Variants in SLC37A2 observed in about 807,000 individuals in gnomAD.
SLC37A2 encodes solute carrier family 37 member 2, also known as glucose-6-phosphate exchanger SLC37A2.
A neutral mutation model predicts 70.7 loss-of-function variants in SLC37A2; 59 were observed. That is an observed-to-expected ratio of 0.83 (90% CI 0.68 to 1.04). The LOEUF is 1.04. Ranked by LOEUF, SLC37A2 falls within the 50% of genes least tolerant of loss-of-function variation. The pLI, the probability that SLC37A2 is intolerant of heterozygous loss-of-function variation, is 0.00. For synonymous variants in SLC37A2, 257 were observed against 262.1 expected (o/e 0.98, Z 0.19); for missense variants, 580 against 658.1 (o/e 0.88, Z 1.30).
intron 1 of SLC37A2, among the ~76,000 whole-genome samples, chr11:125,069,957 T>C (rs912210230): frequency 2.6e-5 from 4 of 152,186 alleles, no homozygotes; most frequent in African/African-American, 9.7e-5. Flanking sequence ...TTTGTACCAG[T>C]GTCTGTGTGG....
chr11:125,065,672 T>C (rs1449672517), intron 1 of SLC37A2, among the ~76,000 whole-genome samples: 1 of 152,162 alleles, frequency 6.6e-6, no homozygotes, highest in Non-Finnish European at 1.5e-5. Context: ...TGGTTGTATC[T>C]GATTAAATAG....
chr11:125,065,321 A>G (rs953130417), intron 1 of SLC37A2, among the ~76,000 whole-genome samples: 1 of 152,218 alleles, frequency 6.6e-6, no homozygotes, highest in Admixed American at 6.5e-5. Flanking sequence ...TGTGGCTGCA[A>G]GTGTGTTAGT....
At chr11:125,074,167 C>A (rs1044300267) in intron 1 of SLC37A2, among the ~76,000 whole-genome samples, 2 of 152,050 alleles carry the variant, frequency 1.3e-5, no homozygotes, top group African/African-American at 4.8e-5. Context: ...CCCTGGCAGT[C>A]CTCCCTGCCC....
chr11:125,084,809 C>A lies in SLC37A2; in HGVS notation c.1126-16C>A, dbSNP rs776892337. ...GGGATTCCGGGTGACTCTGCCTCTCCCCTCTCCTCTCTCAGATGTTCCTGT... is the reference window on the plus strand; with the variant it reads ...GGGATTCCGGGTGACTCTGCCTCTCACCTCTCCTCTCTCAGATGTTCCTGT... On this transcript the variant is annotated splice_polypyrimidine_tract_variant and intron_variant, in intron 12 of 17. Transcript: ENST00000403796. The A allele has an allele frequency of 6.2e-7, 1 of 1,613,010 alleles. No individual in the cohort carries two copies. Among genetic ancestry groups the A allele is most frequent in the South Asian group, 1.1e-5 (1 of 90,674 alleles).
At chr11:125,084,176 G>A in intron 11 of SLC37A2, 58 bp from the exon 12 acceptor site, 3 of 1,588,220 alleles carry the variant, frequency 1.9e-6, no homozygotes, top group South Asian at 1.1e-5. Flanking sequence ...GGGGTGCCAG[G>A]CGAGGGGATG....
chr11:125,074,976 T>G (rs934569804), intron 1 of SLC37A2, among the ~76,000 whole-genome samples: 1 of 152,154 alleles, frequency 6.6e-6, no homozygotes, highest in East Asian at 1.9e-4. Context: ...ACCAGGGACC[T>G]GGGGACTGGG....
In SLC37A2 at chr11:125,077,481, C is replaced by A. The variant is rs376734468; in HGVS notation, c.267C>A (p.Gly89=). ...ACAACTATAAGGAGTTACTAGGGGGCGTGGACAACGCCTTCCTCATCGCCT... is the reference window on the plus strand; with the variant it reads ...ACAACTATAAGGAGTTACTAGGGGGAGTGGACAACGCCTTCCTCATCGCCT... ...DKDNYKELLG[G]VDNAFLIAYA... The change falls in exon 4 of 18, where the codon GGC becomes GGA. Residue 89 remains glycine, a synonymous_variant. Transcript: ENST00000403796. The A allele has an allele frequency of 1.2e-6, 2 of 1,613,854 alleles. No homozygotes were observed. Among genetic ancestry groups the A allele is most frequent in the Admixed American group, 1.7e-5 (1 of 59,996 alleles).
At chr11:125,064,843 G>A (rs1948966463) in intron 1 of SLC37A2, among the ~76,000 whole-genome samples, 1 of 152,168 alleles carries the variant, frequency 6.6e-6, no homozygotes, top group Admixed American at 6.5e-5. Context: ...TTGGGAACAT[G>A]AAAAAGTTCT....
intron 3 of SLC37A2, 36 bp from the exon 4 acceptor site, chr11:125,077,414 C>T (rs775537513): frequency 1.0e-5 from 16 of 1,598,718 alleles, no homozygotes; most frequent in Admixed American, 6.7e-5. Flanking sequence ...GGGGCATCCA[C>T]GCAGTCAGCT....
At chr11:125,073,168 G>T (rs1029993912) in intron 1 of SLC37A2, among the ~76,000 whole-genome samples, 5 of 152,118 alleles carry the variant, frequency 3.3e-5, no homozygotes, top group African/African-American at 9.7e-5. Flanking sequence ...CAGGATGCAC[G>T]TGGGGACCCC....
rs551038548 is a variant in SLC37A2, at chr11:125,085,247, G to C, written c.1248+108G>C. On this transcript the variant is annotated intron_variant, in intron 14 of 17. Transcript: ENST00000403796. ...TCTCCCATCCCGCAGAGGAGAAACC[G>C]TCAAAGTCCTTCAGAACGCACCATG... 5 of 1,336,884 alleles carry C rather than the reference G, an allele frequency of 3.7e-6. No individual in the cohort carries two copies. In the East Asian group the frequency reaches 7.1e-5, roughly 19 times the overall value. The allele number at this position is 1,336,884 out of a possible 1,614,324, so 82.8% of individuals were successfully genotyped here.
intron 1 of SLC37A2, among the ~76,000 whole-genome samples, chr11:125,073,011 C>T (rs1045308007): frequency 6.6e-6 from 1 of 152,196 alleles, no homozygotes; most frequent in African/African-American, 2.4e-5. Flanking sequence ...TCATGACTCT[C>T]CTGCTATCTT....
At chr11:125,081,279 C>G (rs1025518177) in intron 7 of SLC37A2, 142 bp from the exon 8 acceptor site, 6 of 784,548 alleles carry the variant, frequency 7.6e-6, no homozygotes, top group African/African-American at 7.1e-5. Context: ...TGCTGGGACA[C>G]ACACTGGCCA....
rs1216810407 is a variant in SLC37A2, at chr11:125,088,101, C to G, written c.1491-18C>G. On this transcript the variant is annotated intron_variant, in intron 17 of 17. Coordinates refer to ENST00000403796, the MANE Select transcript of SLC37A2 (RefSeq NM_001145290.2). ...TCATCTCACTTTCTCTTCTGTCCCC[C>G]CTCTCCTCTTCATGCAGGTATAAAG... 1.1e-5 allele frequency: 17 copies of G among 1,551,854 alleles called. No individual in the cohort carries two copies. The highest frequency in any genetic ancestry group is 1.4e-5 in the Non-Finnish European group (16 of 1,147,038).
At position 125,079,694 on chromosome 11, in the gene SLC37A2, G is replaced by A; in HGVS notation, c.461G>A (p.Gly154Glu). Residue 154 changes from glycine to glutamate, a missense_variant, in exon 6 of 18, where the codon GGA (glycine) becomes GAA (glutamate). Gly to Glu is a moderately conservative substitution (Grantham distance 98). Transcript: ENST00000403796. ...WYFVVIQVCN[G>E]LVQTTGWPSV... ...TCTCTCTCCCTGCAGGTCTGTAATG[G>A]ACTCGTCCAGACCACAGGCTGGCCC... The A allele has an allele frequency of 6.2e-7, 1 of 1,604,026 alleles. No individual in the cohort carries two copies. The highest frequency in any genetic ancestry group is 1.1e-5 in the South Asian group (1 of 88,786).
intron 16 of SLC37A2, 104 bp from the exon 17 acceptor site, chr11:125,085,850 T>C: frequency 7.8e-7 from 1 of 1,277,510 alleles, no homozygotes; most frequent in East Asian, 2.3e-5. Flanking sequence ...GCAGCGTGTC[T>C]CTCCCCCTTC....
rs752498319 is a variant in SLC37A2 at position 125,079,258 on chromosome 11, C to T, written c.450+11C>T. Reference sequence around the variant, plus strand: ...TTTGTGGTCATCCAGGTATGAATCACCGTCTTGCACTTGGGCCTGTGTTGC... The same window carrying T: ...TTTGTGGTCATCCAGGTATGAATCATCGTCTTGCACTTGGGCCTGTGTTGC... On this transcript the variant is annotated intron_variant, in intron 5 of 17. Coordinates refer to ENST00000403796, the MANE Select transcript of SLC37A2 (RefSeq NM_001145290.2). The T allele has an allele frequency of 1.9e-6, 3 of 1,613,864 alleles. No homozygotes were observed. The African/African-American group carries it at 4.0e-5, about 22-fold the overall frequency.
In SLC37A2 at chr11:125,080,053, C is replaced by G. The variant is rs1450038787; in HGVS notation, c.527+293C>G. The stretch of plus-strand genomic sequence containing the variant: ...TTCCGCCCTGCCCCCCAACCCCGAC[C>G]CCGAATTGGCTTGTGTGCAAAACAA... On this transcript the variant is annotated intron_variant, in intron 6 of 17. Coordinates refer to ENST00000403796, the MANE Select transcript of SLC37A2 (RefSeq NM_001145290.2). The surrounding 1 kb of genome is among the most constrained non-coding windows in gnomAD (Gnocchi z 4.3). Among the ~76,000 whole-genome samples the G allele has an allele frequency of 6.6e-6, 1 of 152,162 alleles. No individual in the cohort carries two copies. Among genetic ancestry groups the G allele is most frequent in the Non-Finnish European group, 1.5e-5 (1 of 68,038 alleles).
At position 125,087,987 on chromosome 11, in the gene SLC37A2, C is replaced by A. The variant is rs996769772; in HGVS notation, c.1491-132C>A. On this transcript the variant is annotated intron_variant, in intron 17 of 17. Transcript: ENST00000403796. ...TCCTGCCTGAGAGGTGAAAGGGAGG[C>A]CTCATTACAGAGAACTGAGATGAAA... 14 of 950,112 alleles carry A rather than the reference C, an allele frequency of 1.5e-5. 1 individual carries two copies. The South Asian group carries it at 1.8e-4, about 12-fold the overall frequency. The allele number at this position is 950,112 out of a possible 1,614,324, so 58.9% of individuals were successfully genotyped here. A position where few individuals can be genotyped will look rare whatever the true frequency, so the allele number is the denominator to read the frequency against.
Sources: allele counts gnomAD v4.1 joint callset (sites outside exome capture counted in the v4.1 genomes callset), GRCh38; gene constraint gnomAD v4.1.1; non-coding constraint Gnocchi (gnomAD v3.1); transcripts MANE v1.5; gene names NCBI Gene and HGNC (gene_info 2026-07-23, HGNC 2026-07-21).